Variants in PRDM16 observed in about 807,000 individuals in gnomAD.
PRDM16 encodes PR/SET domain 16.
A neutral mutation model predicts 110.6 loss-of-function variants in PRDM16; 23 were observed. That is an observed-to-expected ratio of 0.21 (90% CI 0.15 to 0.29). The LOEUF (loss-of-function observed/expected upper bound fraction) is 0.29. Ranked by LOEUF, PRDM16 falls within the 10% of genes least tolerant of loss-of-function variation. The pLI is 1.00. For missense variants in PRDM16, 1,615 were observed against 1,794.3 expected (o/e 0.90, Z 1.81); for synonymous variants, 799 against 781.8 (o/e 1.02, Z -0.37).
intron 1 of PRDM16, among the ~76,000 whole-genome samples, chr1:3,101,068 C>G (rs886121762): frequency 6.6e-6 from 1 of 152,148 alleles, no homozygotes; most frequent in Non-Finnish European, 1.5e-5. Flanking sequence ...CTGCTGGGCC[C>G]CAGGTATGTC....
intron 3 of PRDM16, among the ~76,000 whole-genome samples, chr1:3,361,967 T>C (rs1230697898): frequency 2.9e-5 from 4 of 140,280 alleles, no homozygotes; most frequent in Admixed American, 7.0e-5. Context: ...GAAGTGACCG[T>C]GGCCCAGGAG....
At chr1:3,302,992 A>G (rs946673927) in intron 3 of PRDM16, among the ~76,000 whole-genome samples, 15 of 152,250 alleles carry the variant, frequency 9.9e-5, no homozygotes, top group Non-Finnish European at 2.1e-4. Context: ...GCTCAACTGT[A>G]TAAATAAAAA....
At position 3,390,596 on chromosome 1, in the gene PRDM16, C is replaced by G. The variant is rs1446230176; in HGVS notation, c.573+5310C>G. 6.6e-6 allele frequency among the ~76,000 whole-genome samples: 1 copy of G among 152,120 alleles called. No individual in the cohort carries two copies. The highest frequency in any genetic ancestry group is 1.5e-5 in the Non-Finnish European group (1 of 68,018). On this transcript the variant is annotated intron_variant, in intron 4 of 16. Coordinates refer to ENST00000270722, the MANE Select transcript of PRDM16 (RefSeq NM_022114.4). This position sits in a 1 kb window ranked among gnomAD's most constrained non-coding sequence, Gnocchi z 5.0. ...AGTGGCCGCCGGTGGCCAGGCAGCA[C>G]CGCGTGGACAAGAGCCCGCGCGGGT...
At chr1:3,278,932 C>T (rs1308597002) in intron 3 of PRDM16, among the ~76,000 whole-genome samples, 1 of 152,230 alleles carries the variant, frequency 6.6e-6, no homozygotes, top group Non-Finnish European at 1.5e-5. Context: ...ACGCTTCCCT[C>T]CGGCCGGCCC....
At chr1:3,115,558 C>G (rs556616537) in intron 1 of PRDM16, among the ~76,000 whole-genome samples, 1 of 152,362 alleles carries the variant, frequency 6.6e-6, no homozygotes, top group East Asian at 1.9e-4. Context: ...GAGATCCCCC[C>G]ATAGTCTGTG....
At chr1:3,268,192 A>G (rs191534650) in intron 3 of PRDM16, among the ~76,000 whole-genome samples, 1 of 152,208 alleles carries the variant, frequency 6.6e-6, no homozygotes, top group African/African-American at 2.4e-5. Context: ...CTGCGGTTGC[A>G]GTCGCCCCCG....
chr1:3,341,741 G>A (rs764040771), intron 3 of PRDM16, among the ~76,000 whole-genome samples: 19 of 152,178 alleles, frequency 1.2e-4, no homozygotes, highest in Non-Finnish European at 2.4e-4. Flanking sequence ...TGCTGTGTGG[G>A]GCAACAGCAG....
At chr1:3,194,292 C>T (rs1308151393) in intron 2 of PRDM16, among the ~76,000 whole-genome samples, 1 of 152,208 alleles carries the variant, frequency 6.6e-6, no homozygotes, top group Non-Finnish European at 1.5e-5. Context: ...CTGGTACCTC[C>T]CTGTGCAGGG....
At chr1:3,086,465 G>A (rs1382133490) in intron 1 of PRDM16, among the ~76,000 whole-genome samples, 2 of 152,162 alleles carry the variant, frequency 1.3e-5, no homozygotes, top group African/African-American at 4.8e-5. Flanking sequence ...AACGCCCGAG[G>A]TGTCGGTGCA....
intron 1 of PRDM16, among the ~76,000 whole-genome samples, chr1:3,185,669 G>A (rs1229120496): frequency 6.6e-6 from 1 of 152,224 alleles, no homozygotes; most frequent in Non-Finnish European, 1.5e-5. Context: ...GGCTATAGAG[G>A]ACATTTGGAA....
intron 1 of PRDM16, among the ~76,000 whole-genome samples, chr1:3,141,629 C>T (rs1349288420): frequency 6.6e-6 from 1 of 152,236 alleles, no homozygotes; most frequent in African/African-American, 2.4e-5. Flanking sequence ...CCAGGGCGGG[C>T]CACAACGTGG....
chr1:3,070,501 C>T (rs1390902535), intron 1 of PRDM16, among the ~76,000 whole-genome samples: 1 of 150,124 alleles, frequency 6.7e-6, no homozygotes, highest in Non-Finnish European at 1.5e-5. Flanking sequence ...GCGGAATCGG[C>T]GCCGCCTGCT....
intron 1 of PRDM16, among the ~76,000 whole-genome samples, chr1:3,074,540 A>G (rs1300406292): frequency 1.3e-5 from 2 of 151,508 alleles, no homozygotes; most frequent in African/African-American, 4.9e-5. Context: ...TCCAGCGTGT[A>G]AGTGACCTCA....
At chr1:3,089,400 G>A (rs189719443) in intron 1 of PRDM16, among the ~76,000 whole-genome samples, 173 of 152,378 alleles carry the variant, frequency 1.1e-3, no homozygotes, top group African/African-American at 4.1e-3. Context: ...CCACCTGGCT[G>A]CACCCTCCAT....
At chr1:3,160,950 T>C (rs12082960) in intron 1 of PRDM16, among the ~76,000 whole-genome samples, 3,826 of 152,194 alleles carry the variant, frequency 0.025, 142 homozygotes, top group African/African-American at 0.087. Flanking sequence ...CGTTTCTTTA[T>C]TTTCCCCTAC....
chr1:3,414,287 A>G (rs1643742974), intron 9 of PRDM16, among the ~76,000 whole-genome samples: 1 of 152,132 alleles, frequency 6.6e-6, no homozygotes, highest in Non-Finnish European at 1.5e-5. Context: ...CCTTGGAGGC[A>G]TGGGAGGTGT....
intron 1 of PRDM16, among the ~76,000 whole-genome samples, chr1:3,090,063 C>A (rs55932943): frequency 6.6e-6 from 1 of 152,120 alleles, no homozygotes; most frequent in Non-Finnish European, 1.5e-5. Context: ...ATATAACCCC[C>A]GCAAAGTAAA....
chr1:3,234,631 AC>A (rs748533340), intron 2 of PRDM16, among the ~76,000 whole-genome samples: 1 of 152,110 alleles, frequency 6.6e-6, no homozygotes, highest in Non-Finnish European at 1.5e-5. Context: ...GCCGGGCCCC[AC>A]CGTGACTGTG....
chr1:3,270,383 CCAGGAGGAGGACAGT>C (rs1640416027), intron 3 of PRDM16, among the ~76,000 whole-genome samples: 2 of 134,256 alleles, frequency 1.5e-5, no homozygotes, highest in South Asian at 2.5e-4. Flanking sequence ...AGGAGGACAG[CCAGGAGGAGGACAGT>C]CAGGAGGAGG....
Sources: allele counts gnomAD v4.1 joint callset (sites outside exome capture counted in the v4.1 genomes callset), GRCh38; gene constraint gnomAD v4.1.1; non-coding constraint Gnocchi (gnomAD v3.1); transcripts MANE v1.5; gene names NCBI Gene and HGNC (gene_info 2026-07-23, HGNC 2026-07-21).